The following GATAD1 variants were observed in gnomAD, a reference collection of about 807,000 sequenced individuals.
GATAD1 encodes the protein GATA zinc finger domain containing 1, also known as GATA zinc finger domain-containing protein 1.
Under a neutral mutation model 26.5 loss-of-function variants are expected in GATAD1, and 12 were observed. That is an observed-to-expected ratio of 0.45 (90% CI 0.29 to 0.73). GATAD1 has a LOEUF of 0.73. GATAD1 is among the 30% of genes least tolerant of loss of function. The pLI, the probability that GATAD1 is intolerant of heterozygous loss-of-function variation, is 0.10. For synonymous variants in GATAD1, 129 were observed against 133.1 expected (o/e 0.97, Z 0.21); for missense variants, 266 against 342.1 (o/e 0.78, Z 1.75).
At chr7:92,489,259 T>C in the GATAD1 span, 2 of 1,584,616 alleles carry the variant, frequency 1.3e-6, no homozygotes, top group Non-Finnish European at 1.7e-6. Flanking sequence ...CTTGTAATAG[T>C]AGCTGTACTT....
downstream of GATAD1, among the ~76,000 whole-genome samples, chr7:92,460,865 T>C (rs148848782): frequency 8.7e-4 from 132 of 152,194 alleles, 2 homozygotes; most frequent in African/African-American, 3.0e-3. Flanking sequence ...TTTTCAGCTT[T>C]ATACTTCGCA....
the GATAD1 span, chr7:92,494,394 C>T: frequency 7.4e-6 from 12 of 1,613,800 alleles, no homozygotes; most frequent in East Asian, 2.7e-4. Context: ...AATACATAAA[C>T]ACCTAGAGGA....
chr7:92,469,736 T>C, the GATAD1 span: 1 of 764,074 alleles, frequency 1.3e-6, no homozygotes, highest in Non-Finnish European at 2.4e-6. Context: ...AAAACGGAAG[T>C]GGTGTTTATT....
the GATAD1 span, chr7:92,471,496 T>A: frequency 6.6e-6 from 1 of 152,226 alleles, no homozygotes; most frequent in African/African-American, 2.4e-5. Context: ...CTTCAGTGGC[T>A]AGCCGTCCCG....
the GATAD1 span, among the ~76,000 whole-genome samples, chr7:92,466,841 C>A: frequency 5.3e-5 from 8 of 152,150 alleles, no homozygotes; most frequent in South Asian, 1.7e-3. Flanking sequence ...AGTGTGGAAA[C>A]AGGAGTTACT....
In GATAD1 at chr7:92,447,554, G is replaced by C. The variant is rs1789200525; in HGVS notation, c.-176G>C. The stretch of plus-strand genomic sequence containing the variant: ...TCCGCCTGCGGAGCCGGCGGAACCC[G>C]CTTCCCGCCTCCACGGGGCAGCGCC... On this transcript the variant is annotated 5_prime_UTR_variant, in exon 1 of 5. Coordinates refer to ENST00000287957, the MANE Select transcript of GATAD1 (RefSeq NM_021167.5). 1.2e-6 allele frequency: 1 copy of C among 800,944 alleles called. No individual in the cohort carries two copies. The highest frequency in any genetic ancestry group is 1.7e-6 in the Non-Finnish European group (1 of 590,198). 49.6% of individuals were successfully genotyped at this position (800,944 alleles called of 1,614,324 possible). A position where few individuals can be genotyped will look rare whatever the true frequency, so the allele number is the denominator to read the frequency against.
chr7:92,486,284 T>C, the GATAD1 span, among the ~76,000 whole-genome samples: 1 of 152,242 alleles, frequency 6.6e-6, no homozygotes, highest in South Asian at 2.1e-4. Context: ...TTGTCCTTCC[T>C]GGAGGGGACA....
At chr7:92,494,432 G>C in the GATAD1 span, 2 of 1,610,086 alleles carry the variant, frequency 1.2e-6, no homozygotes, top group Non-Finnish European at 1.7e-6. Flanking sequence ...ACCAAAATCT[G>C]ATGACATGAT....
chr7:92,468,863 T>C, the GATAD1 span: 2 of 764,442 alleles, frequency 2.6e-6, no homozygotes, highest in Non-Finnish European at 4.8e-6. Context: ...GATCGTGGGC[T>C]AGCAGGCCGG....
intron 2 of GATAD1, chr7:92,450,238 C>G (rs1431457799): frequency 2.0e-5 from 3 of 153,794 alleles, no homozygotes; most frequent in Admixed American, 1.3e-4. Flanking sequence ...TTTCTAAAGC[C>G]TTAGTTTCAG....
At chr7:92,486,665 C>CTAAT in the GATAD1 span, among the ~76,000 whole-genome samples, 1 of 152,012 alleles carries the variant, frequency 6.6e-6, no homozygotes. Context: ...TCATGCATGG[C>CTAAT]TAATTTTTTT....
intron 2 of GATAD1, 139 bp downstream of exon 2, chr7:92,449,016 CA>C: frequency 9.2e-7 from 1 of 1,083,364 alleles, no homozygotes. Context: ...CCAGATTCCC[CA>C]AAAGGGAATG....
rs553955343 is a variant in GATAD1, at chr7:92,448,895, A to G, written c.375+18A>G. 21 of 1,607,638 alleles carry G rather than the reference A, an allele frequency of 1.3e-5. No individual in the cohort carries two copies. The East Asian group carries it at 4.5e-4, about 34-fold the overall frequency. ...TGAAAAATGTAAGATATTTGTGGAC[A>G]GTGCCTTTTACTGTAATGACGTTGT... On this transcript the variant is annotated intron_variant, in intron 2 of 4. Transcript: ENST00000287957.
downstream of GATAD1, among the ~76,000 whole-genome samples, chr7:92,460,414 G>A (rs977204215): frequency 3.3e-5 from 5 of 152,094 alleles, no homozygotes; most frequent in African/African-American, 1.2e-4. Flanking sequence ...GCCAGGAGAA[G>A]GTCTGTGCCA....
chr7:92,476,642 ACTGTCTCTCTCTCCTCT>A, the GATAD1 span, among the ~76,000 whole-genome samples: 4 of 146,242 alleles, frequency 2.7e-5, no homozygotes, highest in African/African-American at 1.0e-4. Context: ...TGTCTCTCTC[ACTGTCTCTCTCTCCTCT>A]CTGTCTCTCT....
downstream of GATAD1, among the ~76,000 whole-genome samples, chr7:92,462,007 C>T (rs1789936661): frequency 6.6e-6 from 1 of 152,188 alleles, no homozygotes; most frequent in African/African-American, 2.4e-5. Context: ...CCCTATCCAG[C>T]TGGTGGCCAA....
the GATAD1 span, chr7:92,469,796 G>T: frequency 1.4e-6 from 1 of 740,090 alleles, no homozygotes; most frequent in Admixed American, 1.8e-5. Flanking sequence ...GAAACATATG[G>T]CCTGAAGTTC....
At chr7:92,488,954 G>T in the GATAD1 span, among the ~76,000 whole-genome samples, 1 of 152,076 alleles carries the variant, frequency 6.6e-6, no homozygotes, top group African/African-American at 2.4e-5. Context: ...GGCTTGCCTC[G>T]AACTCCTGAC....
the GATAD1 span, among the ~76,000 whole-genome samples, chr7:92,494,800 AATAC>A: frequency 6.6e-6 from 1 of 151,178 alleles, no homozygotes; most frequent in Non-Finnish European, 1.5e-5. Flanking sequence ...ATTACATATA[AATAC>A]ATATAAATGT....
Sources: gnomAD v4.1 joint callset for allele counts (sites outside exome capture counted in the v4.1 genomes callset) on GRCh38, gnomAD v4.1.1 for gene constraint, MANE v1.5 for transcripts, NCBI Gene and HGNC (gene_info 2026-07-23, HGNC 2026-07-21) for gene names.